Variants in SGCZ observed in about 807,000 individuals in gnomAD.
The protein encoded by SGCZ is zeta-sarcoglycan.
A neutral mutation model predicts 41.3 loss-of-function variants in SGCZ; 40 were observed. That is an observed-to-expected ratio of 0.97 (90% CI 0.75 to 1.26). The LOEUF is 1.26. Ranked by LOEUF, SGCZ falls within the 50% of genes most tolerant of loss-of-function variation. The pLI is 0.00. For missense variants in SGCZ, 552 were observed against 369.8 expected, an observed-to-expected ratio of 1.49 and a Z score of -4.04; for synonymous variants, 206 against 137.5, an observed-to-expected ratio of 1.50 and a Z score of -3.49.
At chr8:14,636,130 T>C (rs1806820299) in intron 1 of SGCZ, among the ~76,000 whole-genome samples, 2 of 151,882 alleles carry the variant, frequency 1.3e-5, no homozygotes, top group South Asian at 2.1e-4. Flanking sequence ...TCTGAGGACC[T>C]GCAGTAAGTT....
At chr8:14,467,714 C>G (rs1278176561) in intron 2 of SGCZ, among the ~76,000 whole-genome samples, 2 of 151,990 alleles carry the variant, frequency 1.3e-5, no homozygotes, top group African/African-American at 4.8e-5. Flanking sequence ...TCGGTCCTTC[C>G]TACACTTCCA....
At chr8:14,641,444 T>G (rs1011232991) in intron 1 of SGCZ, among the ~76,000 whole-genome samples, 6 of 151,706 alleles carry the variant, frequency 4.0e-5, no homozygotes, top group African/African-American at 1.5e-4. Flanking sequence ...TTGAAATAAG[T>G]CACAATTATT....
intron 1 of SGCZ, among the ~76,000 whole-genome samples, chr8:14,679,082 T>C (rs927156085): frequency 6.6e-6 from 1 of 152,164 alleles, no homozygotes; most frequent in African/African-American, 2.4e-5. Flanking sequence ...CGTAAACTCA[T>C]AGTGCATGGC....
At chr8:14,501,574 C>A (rs1802156333) in intron 2 of SGCZ, among the ~76,000 whole-genome samples, 1 of 149,058 alleles carries the variant, frequency 6.7e-6, no homozygotes, top group South Asian at 2.1e-4. Flanking sequence ...TTTTCATAAT[C>A]TATATTATAG....
chr8:14,479,297 G>C (rs570027589), intron 2 of SGCZ, among the ~76,000 whole-genome samples: 1 of 151,978 alleles, frequency 6.6e-6, no homozygotes, highest in South Asian at 2.1e-4. Context: ...ACGTTCAACG[G>C]CAGGAAGCAT....
At chr8:14,591,872 T>G (rs2117286777) in intron 1 of SGCZ, among the ~76,000 whole-genome samples, 1 of 152,254 alleles carries the variant, frequency 6.6e-6, no homozygotes, top group South Asian at 2.1e-4. Flanking sequence ...ATAATTCCAC[T>G]TTCCTGCTAA....
intron 2 of SGCZ, among the ~76,000 whole-genome samples, chr8:14,396,968 C>T (rs781182768): frequency 6.6e-6 from 1 of 152,058 alleles, no homozygotes; most frequent in Non-Finnish European, 1.5e-5. Flanking sequence ...TTACACTTCT[C>T]CTTTATAAGA....
intron 1 of SGCZ, among the ~76,000 whole-genome samples, chr8:15,158,545 T>C (rs1050062594): frequency 6.6e-6 from 1 of 152,250 alleles, no homozygotes; most frequent in Non-Finnish European, 1.5e-5. Context: ...ATTACTACTT[T>C]ATGCTAAAAC....
chr8:14,103,125 G>GTGAA (rs1316504969), intron 6 of SGCZ, among the ~76,000 whole-genome samples: 1 of 152,042 alleles, frequency 6.6e-6, no homozygotes. Flanking sequence ...ACATCAGTCT[G>GTGAA]TGAAAGAAAA....
intron 3 of SGCZ, among the ~76,000 whole-genome samples, chr8:14,275,215 A>C (rs1394367757): frequency 6.6e-6 from 1 of 152,140 alleles, no homozygotes; most frequent in East Asian, 1.9e-4. Context: ...ATCAGTATGG[A>C]AACGAAATGT....
chr8:14,353,734 C>T (rs73518244), intron 2 of SGCZ, among the ~76,000 whole-genome samples: 4,325 of 152,080 alleles, frequency 0.028, 174 homozygotes, highest in African/African-American at 0.097. Context: ...TGAAATTTAT[C>T]CTGTAATGTG....
chr8:15,043,283 C>G (rs1804177630), intron 1 of SGCZ, among the ~76,000 whole-genome samples: 2 of 152,124 alleles, frequency 1.3e-5, no homozygotes, highest in Admixed American at 6.6e-5. Context: ...TTAGAAAATT[C>G]AGTGACAACA....
At chr8:14,398,243 G>C (rs1362525261) in intron 2 of SGCZ, among the ~76,000 whole-genome samples, 1 of 152,126 alleles carries the variant, frequency 6.6e-6, no homozygotes, top group Non-Finnish European at 1.5e-5. Flanking sequence ...AGTTATTCGA[G>C]CATTCTAAAC....
chr8:14,930,494 C>T lies in SGCZ; in HGVS notation c.39+307091G>A, dbSNP rs1054837928. On this transcript the variant is annotated intron_variant, in intron 1 of 7. Coordinates refer to ENST00000382080, the MANE Select transcript of SGCZ (RefSeq NM_139167.4). ...AGCAATCCCATTACTGGGTATATAC[C>T]CAAAGGATTATAAATCATTCTACTA... is the stretch of plus-strand genomic sequence containing the variant. Among the ~76,000 whole-genome samples the T allele has an allele frequency of 2.3e-4, 35 of 151,872 alleles. 1 individual carries two copies. Among genetic ancestry groups the T allele is most frequent in the African/African-American group, 7.0e-4 (29 of 41,226 alleles).
chr8:14,513,223 G>T (rs1194370313), intron 2 of SGCZ, among the ~76,000 whole-genome samples: 3 of 151,658 alleles, frequency 2.0e-5, no homozygotes, highest in Non-Finnish European at 4.4e-5. Flanking sequence ...TCTTTGTAGA[G>T]ACAGGGGTCT....
chr8:14,871,679 C>A (rs905933872), intron 1 of SGCZ, among the ~76,000 whole-genome samples: 1 of 151,842 alleles, frequency 6.6e-6, no homozygotes, highest in African/African-American at 2.4e-5. Context: ...TGGCATGCAC[C>A]TGTAGTCCCA....
intron 1 of SGCZ, among the ~76,000 whole-genome samples, chr8:14,743,850 A>G (rs1799267887): frequency 2.0e-5 from 3 of 152,312 alleles, no homozygotes; most frequent in East Asian, 1.9e-4. Context: ...CTATGAAGAT[A>G]GAAAATAATG....
intron 1 of SGCZ, among the ~76,000 whole-genome samples, chr8:14,905,281 G>A (rs1799089177): frequency 6.6e-6 from 1 of 151,876 alleles, no homozygotes; most frequent in Non-Finnish European, 1.5e-5. Context: ...TATAAAGAAT[G>A]AACAAAGGAA....
At chr8:15,113,636 T>G (rs953393426) in intron 1 of SGCZ, among the ~76,000 whole-genome samples, 20 of 152,214 alleles carry the variant, frequency 1.3e-4, no homozygotes, top group Admixed American at 3.9e-4. Flanking sequence ...GGGGGCCTCC[T>G]ATATTCCTGC....
Sources: gnomAD v4.1 joint callset for allele counts (sites outside exome capture counted in the v4.1 genomes callset) on GRCh38, gnomAD v4.1.1 for gene constraint, MANE v1.5 for transcripts, NCBI Gene and HGNC (gene_info 2026-07-23, HGNC 2026-07-21) for gene names.